Variants in TXNDC5 observed in about 807,000 individuals in gnomAD.
TXNDC5 encodes the protein thioredoxin domain-containing protein 5.
A neutral mutation model predicts 52.6 loss-of-function variants in TXNDC5; 44 were observed. That is an observed-to-expected ratio of 0.84 (90% CI 0.66 to 1.08). The LOEUF (loss-of-function observed/expected upper bound fraction) is 1.08. TXNDC5 is among the 50% of genes least tolerant of loss of function. TXNDC5 has a pLI of 0.00. For missense variants in TXNDC5, 600 were observed against 565.5 expected (o/e 1.06, Z -0.62); for synonymous variants, 241 against 234.4 (o/e 1.03, Z -0.26).
intron 1 of TXNDC5, among the ~76,000 whole-genome samples, chr6:7,906,673 C>CA (rs150982478): frequency 6.0e-4 from 79 of 131,234 alleles, no homozygotes; most frequent in East Asian, 1.6e-3. Flanking sequence ...TACTCAGATA[C>CA]AAAAAAAAAA....
chr6:7,902,446 T>A (rs972354971), intron 2 of TXNDC5, among the ~76,000 whole-genome samples: 3 of 152,180 alleles, frequency 2.0e-5, no homozygotes, highest in African/African-American at 7.2e-5. Flanking sequence ...TTACTCCAGT[T>A]ACACTTGCCA....
At chr6:7,903,347 TAGCA>T (rs1471723125) in intron 2 of TXNDC5, among the ~76,000 whole-genome samples, 2 of 152,234 alleles carry the variant, frequency 1.3e-5, no homozygotes, top group Non-Finnish European at 2.9e-5. Flanking sequence ...GCACTTACAT[TAGCA>T]AGCAGTCACC....
intron 3 of TXNDC5, 60 bp from the exon 4 acceptor site, chr6:7,895,262 A>G: frequency 6.7e-7 from 1 of 1,501,928 alleles, no homozygotes; most frequent in South Asian, 1.2e-5. Context: ...GAAACCATCC[A>G]GGAGGTGACT....
intron 6 of TXNDC5, 151 bp from the exon 7 acceptor site, chr6:7,888,999 TAG>T: frequency 1.0e-6 from 1 of 1,002,506 alleles, no homozygotes; most frequent in South Asian, 1.8e-5. Context: ...GACGGGAATG[TAG>T]AGAGGATAAC....
At chr6:7,901,829 T>A (rs1267957114) in intron 2 of TXNDC5, among the ~76,000 whole-genome samples, 1 of 152,204 alleles carries the variant, frequency 6.6e-6, no homozygotes, top group Admixed American at 6.5e-5. Context: ...ATGATGAAAG[T>A]TCTACTACCG....
At chr6:7,904,853 T>C in intron 1 of TXNDC5, 130 bp from the exon 2 acceptor site, 1 of 1,033,998 alleles carries the variant, frequency 9.7e-7, no homozygotes, top group South Asian at 1.5e-5. Flanking sequence ...TGGCAGCTCC[T>C]GGACCAGTAC....
At position 7,886,010 on chromosome 6, in the gene TXNDC5, C is replaced by CT. The variant is rs1759964531; in HGVS notation, c.996_997insA (p.Asp333ArgfsTer2). The CT allele has an allele frequency of 6.2e-7, 1 of 1,613,970 alleles. No individual in the cohort carries two copies. Among genetic ancestry groups the CT allele is most frequent in the African/African-American group, 1.3e-5 (1 of 74,906 alleles). ...GTTATTCCTTCTGCAATGGTGTCAT[C>CT]GAAGTTATTTTCAGTGAGTGCCAAC... is the stretch of plus-strand genomic sequence containing the variant. On this transcript the variant is annotated frameshift_variant, in exon 8 of 10. Transcript: ENST00000379757. LOFTEE classifies it high-confidence loss of function.
chr6:7,895,920 G>A (rs1760354589), intron 3 of TXNDC5, among the ~76,000 whole-genome samples: 2 of 152,208 alleles, frequency 1.3e-5, no homozygotes, highest in South Asian at 4.1e-4. Context: ...TTGATCCCAG[G>A]GGGTGGAGGC....
intron 4 of TXNDC5, among the ~76,000 whole-genome samples, chr6:7,894,020 G>T (rs916350855): frequency 1.3e-5 from 2 of 152,138 alleles, no homozygotes; most frequent in African/African-American, 4.8e-5. Context: ...GATATTAGGA[G>T]ACCATTTGCA....
intron 1 of TXNDC5, among the ~76,000 whole-genome samples, chr6:7,906,719 T>C (rs1313936506): frequency 4.0e-5 from 6 of 150,784 alleles, no homozygotes; most frequent in Admixed American, 2.0e-4. Flanking sequence ...TTAACTTCTG[T>C]AGATTCAACA....
At chr6:7,899,441 A>C (rs990403679) in intron 3 of TXNDC5, 135 bp downstream of exon 3, 5 of 548,640 alleles carry the variant, frequency 9.1e-6, no homozygotes, top group Non-Finnish European at 1.5e-5. Context: ...GCTCCAAAAA[A>C]AGTAGAGTTG....
intron 9 of TXNDC5, 61 bp from the exon 10 acceptor site, chr6:7,883,327 C>T: frequency 1.2e-6 from 2 of 1,609,906 alleles, no homozygotes; most frequent in Non-Finnish European, 1.7e-6. Flanking sequence ...CAAATTGCTT[C>T]CTAAATAAAA....
At chr6:7,896,132 T>C (rs1425586082) in intron 3 of TXNDC5, among the ~76,000 whole-genome samples, 1 of 152,076 alleles carries the variant, frequency 6.6e-6, no homozygotes, top group Non-Finnish European at 1.5e-5. Flanking sequence ...TGTGGAAGAC[T>C]GATCAGAGAG....
intron 1 of TXNDC5, 56 bp downstream of exon 1, chr6:7,910,458 C>T (rs991768011): frequency 1.5e-6 from 2 of 1,348,362 alleles, no homozygotes; most frequent in Non-Finnish European, 1.9e-6. Flanking sequence ...GCCCAAGCGC[C>T]CCACGCCCCG....
intron 2 of TXNDC5, among the ~76,000 whole-genome samples, chr6:7,900,863 A>G (rs1434822583): frequency 3.3e-5 from 5 of 151,792 alleles, no homozygotes; most frequent in Non-Finnish European, 7.4e-5. Flanking sequence ...CACCCTAATA[A>G]CCTGCTCCCT....
At chr6:7,899,796 G>C (rs570667905) in intron 2 of TXNDC5, 115 bp from the exon 3 acceptor site, 1 of 615,152 alleles carries the variant, frequency 1.6e-6, no homozygotes, top group South Asian at 2.3e-5. Flanking sequence ...AGCCAGGCAT[G>C]TATCTGCTCC....
chr6:7,894,858 CA>C, intron 4 of TXNDC5: 1 of 985,424 alleles, frequency 1.0e-6, no homozygotes, highest in Non-Finnish European at 1.2e-6. Flanking sequence ...ATGCACTGTC[CA>C]GCTAGTGTGC....
rs1430119327 is a variant in TXNDC5 at position 7,894,633 on chromosome 6, AAAC to A, written c.616+470_616+472del. 13 of 818,208 alleles carry A rather than the reference AAAC, an allele frequency of 1.6e-5. No individual in the cohort carries two copies. In the African/African-American group the frequency reaches 2.4e-4, roughly 15 times the overall value. 50.7% of individuals were successfully genotyped at this position (818,208 alleles called of 1,614,324 possible). On this transcript the variant is annotated intron_variant, in intron 4 of 9. Transcript: ENST00000379757. ...ATGTGCTACAGCATTACTTCTTTAA[AAAC>A]AATGTACCTTAATTAAAAAATATTT...
chr6:7,887,557 G>A (rs1267245382), intron 7 of TXNDC5, among the ~76,000 whole-genome samples: 1 of 152,040 alleles, frequency 6.6e-6, no homozygotes, highest in African/African-American at 2.4e-5. Flanking sequence ...CCTCGCCATC[G>A]CACAGTCACG....
Sources: allele counts gnomAD v4.1 joint callset (sites outside exome capture counted in the v4.1 genomes callset), GRCh38; gene constraint gnomAD v4.1.1; transcripts MANE v1.5; gene names NCBI Gene and HGNC (gene_info 2026-07-23, HGNC 2026-07-21).